The following MECOM variants were observed in gnomAD, a reference collection of about 807,000 sequenced individuals.
The protein encoded by MECOM is MDS1 and EVI1 complex locus.
MECOM carries 13 observed loss-of-function variants against 116.3 expected under a neutral mutation model. The observed-to-expected ratio is 0.11, with a 90% CI of 0.07 to 0.18. The LOEUF (loss-of-function observed/expected upper bound fraction) is 0.18, where lower values mean the gene tolerates loss of function less well. Among genes scored for constraint, MECOM ranks in the 10% least tolerant of loss-of-function variants. The pLI is 1.00. For synonymous variants in MECOM, 528 were observed against 535.2 expected (o/e 0.99, Z 0.19); for missense variants, 1,299 against 1,509.0 (o/e 0.86, Z 2.31).
chr3:169,146,318 G>A, intron 2 of MECOM: 2 of 1,281,828 alleles, frequency 1.6e-6, no homozygotes, highest in East Asian at 3.7e-5. Context: ...GAACTCGGCC[G>A]AGAGCGGCTC....
intron 2 of MECOM, among the ~76,000 whole-genome samples, chr3:169,257,790 TG>T (rs1337282611): frequency 1.3e-5 from 2 of 152,218 alleles, no homozygotes; most frequent in Non-Finnish European, 2.9e-5. Flanking sequence ...GTGGAGGAGC[TG>T]CCGTAATGGT....
At chr3:169,217,790 C>T (rs1751596286) in intron 2 of MECOM, among the ~76,000 whole-genome samples, 2 of 150,284 alleles carry the variant, frequency 1.3e-5, no homozygotes. Context: ...TCTCAAAAAA[C>T]TATATATATA....
At chr3:169,382,865 TAAA>T (rs1194079538) in intron 1 of MECOM, among the ~76,000 whole-genome samples, 4 of 44,812 alleles carry the variant, frequency 8.9e-5, no homozygotes, top group East Asian at 1.5e-3. Context: ...AAAAAAAAAA[TAAA>T]AAAAATAAAA....
chr3:169,557,432 A>G (rs1307492506), intron 1 of MECOM, among the ~76,000 whole-genome samples: 1 of 152,246 alleles, frequency 6.6e-6, no homozygotes, highest in Non-Finnish European at 1.5e-5. Context: ...AAGTATTCAC[A>G]CAAAGCAGAC....
chr3:169,207,806 G>A (rs1488103), intron 2 of MECOM, among the ~76,000 whole-genome samples: 51,546 of 151,990 alleles, frequency 0.34, 9,335 homozygotes, highest in Middle Eastern at 0.55. Flanking sequence ...TTGTTCAAAA[G>A]GATAGTTTAG....
At chr3:169,130,026 A>G (rs892877359) in intron 4 of MECOM, among the ~76,000 whole-genome samples, 2 of 152,200 alleles carry the variant, frequency 1.3e-5, no homozygotes, top group Non-Finnish European at 2.9e-5. Flanking sequence ...TCATTTAAAT[A>G]TTATAAGAAT....
At chr3:169,135,560 G>A (rs35475880) in intron 3 of MECOM, among the ~76,000 whole-genome samples, 4 of 151,760 alleles carry the variant, frequency 2.6e-5, no homozygotes, top group East Asian at 1.9e-4. Context: ...TTTTAAAACC[G>A]TGTTAACTCC....
intron 2 of MECOM, among the ~76,000 whole-genome samples, chr3:169,202,653 A>G (rs1227016919): frequency 6.6e-6 from 1 of 151,958 alleles, no homozygotes; most frequent in Admixed American, 6.6e-5. Context: ...TATTATTTCT[A>G]TGGTACAGTT....
At chr3:169,514,500 A>T (rs533548272) in intron 1 of MECOM, among the ~76,000 whole-genome samples, 1 of 152,248 alleles carries the variant, frequency 6.6e-6, no homozygotes, top group Non-Finnish European at 1.5e-5. Context: ...CTCAGCACTC[A>T]CTAAAAAGGA....
intron 1 of MECOM, among the ~76,000 whole-genome samples, chr3:169,582,566 G>A (rs929530291): frequency 7.2e-5 from 11 of 152,132 alleles, no homozygotes; most frequent in African/African-American, 1.4e-4. Context: ...TCCTCACACA[G>A]GTTAAGTATC....
intron 1 of MECOM, among the ~76,000 whole-genome samples, chr3:169,434,235 C>T (rs1442728724): frequency 6.6e-6 from 1 of 152,114 alleles, no homozygotes; most frequent in Non-Finnish European, 1.5e-5. Flanking sequence ...AATAAGCATA[C>T]TTTAGAAGCA....
At chr3:169,117,363 A>G (rs1300364959) in intron 7 of MECOM, among the ~76,000 whole-genome samples, 1 of 152,134 alleles carries the variant, frequency 6.6e-6, no homozygotes, top group Non-Finnish European at 1.5e-5. Flanking sequence ...TTTAACAATC[A>G]TTTTCATGAT....
chr3:169,179,455 C>T (rs1172654937), intron 2 of MECOM, among the ~76,000 whole-genome samples: 1 of 107,702 alleles, frequency 9.3e-6, no homozygotes, highest in Non-Finnish European at 1.9e-5. Flanking sequence ...GAATGTTTGC[C>T]TAAGAAGAAA....
intron 2 of MECOM, among the ~76,000 whole-genome samples, chr3:169,326,161 G>A (rs1427628491): frequency 6.6e-6 from 1 of 152,104 alleles, no homozygotes; most frequent in African/African-American, 2.4e-5. Flanking sequence ...ACTAGGCTTT[G>A]GAGATAACTA....
At chr3:169,355,145 A>G (rs1052787527) in intron 2 of MECOM, among the ~76,000 whole-genome samples, 1 of 152,000 alleles carries the variant, frequency 6.6e-6, no homozygotes, top group African/African-American at 2.4e-5. Flanking sequence ...ATGAAATTTA[A>G]AACTTCAGCA....
At chr3:169,564,427 T>C (rs1762989032) in intron 1 of MECOM, among the ~76,000 whole-genome samples, 1 of 152,202 alleles carries the variant, frequency 6.6e-6, no homozygotes, top group African/African-American at 2.4e-5. Flanking sequence ...CATATGCTTA[T>C]TGGGATGTAA....
chr3:169,582,124 C>T (rs945783823), intron 1 of MECOM, among the ~76,000 whole-genome samples: 5 of 152,120 alleles, frequency 3.3e-5, no homozygotes, highest in African/African-American at 7.2e-5. Flanking sequence ...ATTGCTAGGG[C>T]GATTGCAGAA....
Position 169,594,978 on chromosome 3 carries a change from G to A in MECOM, c.37+68358C>T, listed in dbSNP as rs9845801. Among the ~76,000 whole-genome samples, 863 of 150,716 alleles carry A rather than the reference G, an allele frequency of 5.7e-3. 9 individuals carry two copies. The highest frequency in any genetic ancestry group is 0.02 in the African/African-American group (805 of 41,216). On this transcript the variant is annotated intron_variant, in intron 1 of 16. Transcript: ENST00000651503. ...ATTTAGTGAGAACTGTTTCTTTTAA[G>A]TGAATTGGTTGATTTAAGTCCTACA... is the stretch of plus-strand genomic sequence containing the variant.
intron 2 of MECOM, among the ~76,000 whole-genome samples, chr3:169,324,339 A>G (rs1366576627): frequency 6.6e-6 from 1 of 152,230 alleles, no homozygotes; most frequent in Non-Finnish European, 1.5e-5. Flanking sequence ...AAGTATAGGG[A>G]TAGTCAGAGT....
Sources: allele counts gnomAD v4.1 joint callset (sites outside exome capture counted in the v4.1 genomes callset), GRCh38; gene constraint gnomAD v4.1.1; transcripts MANE v1.5; gene names NCBI Gene and HGNC (gene_info 2026-07-23, HGNC 2026-07-21).